Variants in ADGRB3 observed in about 807,000 individuals in gnomAD.
The protein encoded by ADGRB3 is adhesion G protein-coupled receptor B3.
A neutral mutation model predicts 193.4 loss-of-function variants in ADGRB3; 37 were observed. The observed-to-expected ratio is 0.19, with a 90% confidence interval of 0.15 to 0.25. The LOEUF is 0.25. ADGRB3 is among the 10% of genes least tolerant of loss of function. The probability of loss-of-function intolerance (pLI) is 1.00; values close to 1 mark genes in which losing one functional copy is unlikely to be tolerated. For synonymous variants in ADGRB3, 690 were observed against 644.2 expected, an observed-to-expected ratio of 1.07 and a Z score of -1.08; for missense variants, 1,637 against 1,852.9, an observed-to-expected ratio of 0.88 and a Z score of 2.14.
chr6:69,071,504 T>A (rs1232923842), intron 16 of ADGRB3, among the ~76,000 whole-genome samples: 1 of 152,130 alleles, frequency 6.6e-6, no homozygotes, highest in Non-Finnish European at 1.5e-5. Context: ...ATGTAGAACA[T>A]CTATGGCAAT....
intron 3 of ADGRB3, among the ~76,000 whole-genome samples, chr6:68,925,362 C>A (rs1013681976): frequency 1.7e-4 from 26 of 151,816 alleles, no homozygotes; most frequent in African/African-American, 6.3e-4. Context: ...TTCTAAATGA[C>A]CAAATTTAAT....
intron 20 of ADGRB3, among the ~76,000 whole-genome samples, chr6:69,319,267 CT>C (rs1490046254): frequency 1.3e-5 from 2 of 150,998 alleles, no homozygotes; most frequent in African/African-American, 4.8e-5. Context: ...AAGCTTTTTC[CT>C]CCAAAAGGTG....
intron 17 of ADGRB3, among the ~76,000 whole-genome samples, chr6:69,183,259 G>A (rs930200744): frequency 3.3e-5 from 5 of 152,018 alleles, no homozygotes; most frequent in East Asian, 1.9e-4. Context: ...CAAATTGGAA[G>A]CCTTCAAATG....
intron 3 of ADGRB3, among the ~76,000 whole-genome samples, chr6:68,929,243 A>G (rs575737012): frequency 6.6e-6 from 1 of 152,324 alleles, no homozygotes; most frequent in South Asian, 2.1e-4. Context: ...CTATTCTTTT[A>G]CATTTTCTGC....
chr6:68,845,913 T>A (rs1422486409), intron 3 of ADGRB3, among the ~76,000 whole-genome samples: 1 of 152,128 alleles, frequency 6.6e-6, no homozygotes, highest in Non-Finnish European at 1.5e-5. Context: ...GAGGTTGGAA[T>A]GATTTCGAGG....
chr6:69,171,168 T>A (rs1031314815), intron 17 of ADGRB3, among the ~76,000 whole-genome samples: 1 of 152,144 alleles, frequency 6.6e-6, no homozygotes, highest in African/African-American at 2.4e-5. Flanking sequence ...AATTCCAGTG[T>A]ATATTTTACA....
At chr6:69,232,840 A>T (rs1025254317) in intron 17 of ADGRB3, among the ~76,000 whole-genome samples, 2 of 152,228 alleles carry the variant, frequency 1.3e-5, no homozygotes, top group Non-Finnish European at 1.5e-5. Context: ...AGAAATCCGC[A>T]TTTTAAAAGC....
chr6:68,932,577 T>C (rs1179122162), intron 4 of ADGRB3, among the ~76,000 whole-genome samples: 1 of 152,022 alleles, frequency 6.6e-6, no homozygotes, highest in African/African-American at 2.4e-5. Context: ...GAGAAGAATA[T>C]TTTTCCTTAA....
At chr6:69,251,384 A>G (rs566480310) in intron 20 of ADGRB3, among the ~76,000 whole-genome samples, 2 of 152,140 alleles carry the variant, frequency 1.3e-5, no homozygotes, top group African/African-American at 4.8e-5. Context: ...TTTTACAGCC[A>G]TTACTTTACT....
intron 17 of ADGRB3, among the ~76,000 whole-genome samples, chr6:69,076,774 A>C (rs911125068): frequency 6.6e-6 from 1 of 152,062 alleles, no homozygotes; most frequent in Non-Finnish European, 1.5e-5. Flanking sequence ...TTGATTTTGC[A>C]TGAGGGGAGA....
chr6:68,709,297 A>G (rs1223354078), intron 3 of ADGRB3, among the ~76,000 whole-genome samples: 3 of 152,144 alleles, frequency 2.0e-5, no homozygotes, highest in Non-Finnish European at 1.5e-5. Context: ...AGTGCTGCAT[A>G]CTAATCATAT....
At chr6:68,836,203 T>C (rs1179601986) in intron 3 of ADGRB3, among the ~76,000 whole-genome samples, 1 of 152,056 alleles carries the variant, frequency 6.6e-6, no homozygotes, top group African/African-American at 2.4e-5. Flanking sequence ...TGCTACCCTT[T>C]GATAAATGAC....
At chr6:68,907,917 A>C (rs1032958591) in intron 3 of ADGRB3, among the ~76,000 whole-genome samples, 1 of 151,894 alleles carries the variant, frequency 6.6e-6, no homozygotes. Context: ...AAATTTAAAA[A>C]CAAACCCTTC....
At chr6:68,683,014 A>G (rs191792038) in intron 3 of ADGRB3, among the ~76,000 whole-genome samples, 74 of 152,118 alleles carry the variant, frequency 4.9e-4, no homozygotes, top group Admixed American at 1.2e-3. Flanking sequence ...TGAACTCCTG[A>G]CCTCAGGTGA....
chr6:68,688,277 G>T (rs1234864260), intron 3 of ADGRB3, among the ~76,000 whole-genome samples: 1 of 152,150 alleles, frequency 6.6e-6, no homozygotes, highest in Non-Finnish European at 1.5e-5. Flanking sequence ...ACTTGGTTCT[G>T]AGTCCCCTGT....
chr6:69,358,330 A>G lies in ADGRB3; in HGVS notation c.3595+2470A>G, dbSNP rs148799111. On this transcript the variant is annotated intron_variant, in intron 28 of 31. Coordinates refer to ENST00000370598, the MANE Select transcript of ADGRB3 (RefSeq NM_001704.3). ...TAAGCCATCCAGATAATTTTGATGC[A>G]TGCTAAAATTTGAGTACCACTGTAT... Among the ~76,000 whole-genome samples, 4 of 151,986 alleles carry G rather than the reference A, an allele frequency of 2.6e-5. No individual in the cohort carries two copies. In the East Asian group the frequency reaches 7.7e-4, roughly 29 times the overall value.
chr6:68,964,911 T>C (rs1371649787), intron 8 of ADGRB3, among the ~76,000 whole-genome samples: 1 of 152,140 alleles, frequency 6.6e-6, no homozygotes, highest in Non-Finnish European at 1.5e-5. Context: ...ATAAAAAGAC[T>C]CCTCTGCTTA....
intron 3 of ADGRB3, among the ~76,000 whole-genome samples, chr6:68,756,989 T>C (rs1766310001): frequency 6.6e-6 from 1 of 152,186 alleles, no homozygotes; most frequent in Non-Finnish European, 1.5e-5. Context: ...AGTGGTTACA[T>C]GTCTTTCAGA....
chr6:68,704,020 A>C (rs192096353), intron 3 of ADGRB3, among the ~76,000 whole-genome samples: 34 of 152,330 alleles, frequency 2.2e-4, no homozygotes, highest in African/African-American at 7.5e-4. Flanking sequence ...GAAGCTTACT[A>C]GTGAAAAGTT....
Sources: allele counts gnomAD v4.1 joint callset (sites outside exome capture counted in the v4.1 genomes callset), GRCh38; gene constraint gnomAD v4.1.1; transcripts MANE v1.5; gene names NCBI Gene and HGNC (gene_info 2026-07-23, HGNC 2026-07-21).